CRTC3: variants seen among roughly 807,000 people sequenced by gnomAD.
CRTC3 encodes the protein CREB-regulated transcription coactivator 3.
CRTC3 carries 26 observed loss-of-function variants against 74.5 expected under a neutral mutation model. The observed-to-expected ratio is 0.35, with a 90% CI of 0.26 to 0.48. CRTC3 has a LOEUF of 0.48. Ranked by LOEUF, CRTC3 falls within the 20% of genes least tolerant of loss-of-function variation. The pLI, the probability that CRTC3 is intolerant of heterozygous loss-of-function variation, is 0.99. For synonymous variants in CRTC3, 377 were observed against 325.8 expected (o/e 1.16, Z -1.69); for missense variants, 760 against 787.3 (o/e 0.97, Z 0.41).
intron 7 of CRTC3, among the ~76,000 whole-genome samples, chr15:90,615,777 G>A (rs746008294): frequency 1.7e-4 from 26 of 152,182 alleles, no homozygotes; most frequent in Non-Finnish European, 3.1e-4. Context: ...TGTGTGTGAT[G>A]ACACCTTACT....
Position 90,644,658 on chromosome 15 carries a change from G to A in CRTC3, c.*2518G>A, listed in dbSNP as rs528939475. 1 of 232,194 alleles carries A rather than the reference G, an allele frequency of 4.3e-6. No homozygotes were observed. The highest frequency in any genetic ancestry group is 8.5e-6 in the Non-Finnish European group (1 of 117,512). The allele number at this position is 232,194 out of a possible 1,614,324, so 14.4% of individuals were successfully genotyped here. A position where few individuals can be genotyped will look rare whatever the true frequency, so the allele number is the denominator to read the frequency against. The stretch of plus-strand genomic sequence containing the variant: ...GTGAGTCCGATCTTTTCTTGTGAAA[G>A]GTTTTGGGCATCGTACAACCCACTC... On this transcript the variant is annotated 3_prime_UTR_variant, in exon 15 of 15. Coordinates refer to ENST00000268184, the MANE Select transcript of CRTC3 (RefSeq NM_022769.5).
At position 90,614,521 on chromosome 15, in the gene CRTC3, T is replaced by C. The variant is rs752191734; in HGVS notation, c.613+33T>C. ...CTGATTTTACCTACCTATATTGGAG[T>C]GGGATGCTGATTAGTGGACATAACC... On this transcript the variant is annotated intron_variant, in intron 7 of 14. Coordinates refer to ENST00000268184, the MANE Select transcript of CRTC3 (RefSeq NM_022769.5). The C allele has an allele frequency of 3.5e-5, 51 of 1,472,732 alleles. No homozygotes were observed. The East Asian group carries it at 7.5e-4, about 22-fold the overall frequency. The allele number at this position is 1,472,732 out of a possible 1,614,324, so 91.2% of individuals were successfully genotyped here.
chr15:90,604,394 T>C lies in CRTC3; in HGVS notation c.423T>C (p.Pro141=). 6.2e-7 allele frequency: 1 copy of C among 1,613,976 alleles called. No individual in the cohort carries two copies. ...PLDESWPRQQ[P]PWKDEKHPGF... ...GTTCTGGTTTTTAAAGGCAGCAGCC[T>C]CCTTGGAAAGACGAAAAGCATCCTG... Residue 141 remains proline (P), a synonymous_variant, in exon 5 of 15, where the codon CCT becomes CCC. Transcript: ENST00000268184.
chr15:90,624,315 CCTT>C (rs1259016127), intron 9 of CRTC3, among the ~76,000 whole-genome samples: 1 of 152,094 alleles, frequency 6.6e-6, no homozygotes, highest in African/African-American at 2.4e-5. Context: ...CCCTGCCTCT[CCTT>C]CTGCCTGCTG....
intron 11 of CRTC3, among the ~76,000 whole-genome samples, chr15:90,636,995 G>A (rs1969262675): frequency 6.6e-6 from 1 of 152,166 alleles, no homozygotes; most frequent in South Asian, 2.1e-4. Flanking sequence ...AGTCAGTGTG[G>A]CGATTCCTTA....
intron 9 of CRTC3, among the ~76,000 whole-genome samples, chr15:90,622,220 T>C (rs1311376212): frequency 3.9e-5 from 6 of 152,058 alleles, no homozygotes; most frequent in African/African-American, 1.4e-4. Context: ...GGGGGGCGCA[T>C]TACTTTCCTT....
At chr15:90,605,782 T>A (rs186189640) in intron 5 of CRTC3, among the ~76,000 whole-genome samples, 1 of 152,352 alleles carries the variant, frequency 6.6e-6, no homozygotes, top group Admixed American at 6.5e-5. Flanking sequence ...TGTAGGCTAA[T>A]GAAGTTGCTT....
chr15:90,598,534 T>C (rs1967987941), intron 3 of CRTC3: 1 of 702,178 alleles, frequency 1.4e-6, no homozygotes, highest in Admixed American at 2.0e-5. Flanking sequence ...CTGCAGAGGC[T>C]TGGGGAGAGA....
At chr15:90,625,267 G>T (rs777412650) in intron 9 of CRTC3, among the ~76,000 whole-genome samples, 1 of 152,236 alleles carries the variant, frequency 6.6e-6, no homozygotes, top group Non-Finnish European at 1.5e-5. Flanking sequence ...CATGCGGCCC[G>T]CTGCCTGGCA....
At chr15:90,570,413 T>C (rs1402996706) in intron 2 of CRTC3, among the ~76,000 whole-genome samples, 1 of 152,146 alleles carries the variant, frequency 6.6e-6, no homozygotes, top group Non-Finnish European at 1.5e-5. Flanking sequence ...TTATAGACCC[T>C]CATTAGAAAA....
intron 2 of CRTC3, among the ~76,000 whole-genome samples, chr15:90,585,069 G>A (rs957050134): frequency 2.0e-5 from 3 of 152,238 alleles, no homozygotes; most frequent in African/African-American, 7.2e-5. Context: ...TAGCAAGACT[G>A]TTAACCTGTA....
intron 11 of CRTC3, among the ~76,000 whole-genome samples, chr15:90,631,760 A>G (rs1461190584): frequency 6.6e-6 from 1 of 151,656 alleles, no homozygotes; most frequent in African/African-American, 2.4e-5. Context: ...AAAAAAAGAA[A>G]AGAAAGAAAT....
intron 2 of CRTC3, among the ~76,000 whole-genome samples, chr15:90,543,135 A>G (rs75244480): frequency 3.4e-4 from 1 of 2,932 alleles, no homozygotes; most frequent in East Asian, 1.9e-3. Context: ...GTCTCTACTG[A>G]AAAAAAAAAA....
intron 6 of CRTC3, among the ~76,000 whole-genome samples, chr15:90,611,621 T>C (rs962278156): frequency 2.6e-5 from 4 of 152,184 alleles, no homozygotes; most frequent in Admixed American, 1.3e-4. Flanking sequence ...CCCTGAGAGT[T>C]GCATCTGATT....
intron 2 of CRTC3, among the ~76,000 whole-genome samples, chr15:90,577,797 C>T (rs1357689777): frequency 6.6e-6 from 1 of 152,140 alleles, no homozygotes; most frequent in East Asian, 1.9e-4. Flanking sequence ...CATGTTCTCA[C>T]TCATATGTCG....
intron 2 of CRTC3, among the ~76,000 whole-genome samples, chr15:90,560,211 A>G (rs1314002488): frequency 6.6e-6 from 1 of 152,058 alleles, no homozygotes; most frequent in African/African-American, 2.4e-5. Flanking sequence ...TTCAGCTAGT[A>G]TTTGTTGAGG....
At chr15:90,604,229 A>G in intron 4 of CRTC3, 156 bp from the exon 5 acceptor site, 1 of 623,682 alleles carries the variant, frequency 1.6e-6, no homozygotes, top group East Asian at 2.7e-5. Context: ...CATTTTAACA[A>G]TGATGAGCAA....
chr15:90,604,470 G>A (rs1308015318), intron 5 of CRTC3, 23 bp downstream of exon 5: 1 of 1,581,840 alleles, frequency 6.3e-7, no homozygotes, highest in Non-Finnish European at 8.7e-7. Flanking sequence ...TTTCCTGGTA[G>A]GAGTAGATTT....
chr15:90,638,013 T>C (rs1969301783), intron 11 of CRTC3: 1 of 165,678 alleles, frequency 6.0e-6, no homozygotes, highest in African/African-American at 2.4e-5. Context: ...TAGTGTTCTG[T>C]GCTGTTGTTT....
Sources: gnomAD v4.1 joint callset for allele counts (sites outside exome capture counted in the v4.1 genomes callset) on GRCh38, gnomAD v4.1.1 for gene constraint, MANE v1.5 for transcripts, NCBI Gene and HGNC (gene_info 2026-07-23, HGNC 2026-07-21) for gene names.